The following GRIK3 variants were observed in gnomAD, a reference collection of about 807,000 sequenced individuals.
The protein encoded by GRIK3 is glutamate receptor ionotropic, kainate 3.
GRIK3 carries 29 observed loss-of-function variants against 102.5 expected under a neutral mutation model. That is an observed-to-expected ratio of 0.28 (90% CI 0.21 to 0.39). GRIK3 has a LOEUF of 0.39. GRIK3 is among the 10% of genes least tolerant of loss of function. GRIK3 has a pLI of 1.00. For missense variants in GRIK3, 908 were observed against 1,252.4 expected (o/e 0.73, Z 4.15); for synonymous variants, 511 against 504.9 (o/e 1.01, Z -0.16).
At chr1:36,804,685 C>G in intron 15 of GRIK3, 1 of 504,578 alleles carries the variant, frequency 2.0e-6, no homozygotes. Flanking sequence ...AACAAGGTAC[C>G]AGTTGCTGTG....
At chr1:36,844,162 T>C (rs1640493300) in intron 9 of GRIK3, among the ~76,000 whole-genome samples, 1 of 152,176 alleles carries the variant, frequency 6.6e-6, no homozygotes, top group Non-Finnish European at 1.5e-5. Context: ...TCCCTTGGGA[T>C]GCTTCAGGGA....
At chr1:37,014,668 A>G (rs1416762417) in intron 1 of GRIK3, among the ~76,000 whole-genome samples, 1 of 152,184 alleles carries the variant, frequency 6.6e-6, no homozygotes, top group African/African-American at 2.4e-5. Flanking sequence ...CTGGGAAGCT[A>G]GAGATAAGCA....
Position 36,805,289 on chromosome 1 carries a change from T to C in GRIK3, c.2315-52A>G, listed in dbSNP as rs550951660. The C allele has an allele frequency of 5.8e-6, 9 of 1,549,920 alleles. No homozygotes were observed. The South Asian group carries it at 8.7e-5, about 15-fold the overall frequency. On this transcript the variant is annotated intron_variant, in intron 14 of 15. Coordinates refer to ENST00000373091, the MANE Select transcript of GRIK3 (RefSeq NM_000831.4). ...CATCAGTGGCGTGTGGCCCATTCTG[T>C]GTTTGGCTCTGCCAACACCCTGGTC...
At chr1:36,927,872 G>A (rs1018581603) in intron 1 of GRIK3, among the ~76,000 whole-genome samples, 4 of 152,010 alleles carry the variant, frequency 2.6e-5, no homozygotes, top group Non-Finnish European at 2.9e-5. Flanking sequence ...CCGGAGCCCC[G>A]GCTTGCCCTG....
At chr1:36,834,973 G>T (rs568626199) in intron 10 of GRIK3, among the ~76,000 whole-genome samples, 50 of 152,344 alleles carry the variant, frequency 3.3e-4, no homozygotes, top group Non-Finnish European at 5.4e-4. Flanking sequence ...CCTCAGGGAA[G>T]TTTGAGGCCT....
chr1:36,906,068 T>G (rs971123275), intron 1 of GRIK3, among the ~76,000 whole-genome samples: 18 of 152,162 alleles, frequency 1.2e-4, no homozygotes, highest in African/African-American at 4.3e-4. Context: ...ACAGCTCCAT[T>G]AATACCCACT....
At chr1:36,831,107 G>A (rs115333505) in intron 10 of GRIK3, among the ~76,000 whole-genome samples, 1,573 of 152,318 alleles carry the variant, frequency 0.01, 29 homozygotes, top group African/African-American at 0.036. Flanking sequence ...TAGACCCTGT[G>A]CAGGATGCAT....
intron 15 of GRIK3, chr1:36,804,710 T>G (rs758262287): frequency 1.8e-6 from 1 of 543,240 alleles, no homozygotes. Flanking sequence ...TTGTGGATGG[T>G]GTTGGGGAAG....
chr1:36,866,753 T>C (rs1321895780), intron 5 of GRIK3, among the ~76,000 whole-genome samples: 3 of 151,950 alleles, frequency 2.0e-5, no homozygotes, highest in African/African-American at 7.3e-5. Context: ...TCAGGCCAAC[T>C]GGGATCAGAG....
intron 1 of GRIK3, among the ~76,000 whole-genome samples, chr1:36,950,319 G>T (rs914408100): frequency 6.6e-6 from 1 of 152,158 alleles, no homozygotes; most frequent in Non-Finnish European, 1.5e-5. Flanking sequence ...ATAACATAAA[G>T]AAGTTAACAA....
intron 1 of GRIK3, among the ~76,000 whole-genome samples, chr1:36,957,444 G>A (rs77174611): frequency 4.3e-4 from 12 of 28,082 alleles, no homozygotes; most frequent in Admixed American, 1.2e-3. Flanking sequence ...TGCTCTGTGA[G>A]TCTGTGCCCT....
At chr1:36,906,525 T>C (rs758454698) in intron 1 of GRIK3, among the ~76,000 whole-genome samples, 1 of 152,340 alleles carries the variant, frequency 6.6e-6, no homozygotes, top group Admixed American at 6.5e-5. Flanking sequence ...AAAGCTACCA[T>C]GCAATTTAGA....
chr1:36,857,058 C>T (rs760243916), intron 7 of GRIK3, among the ~76,000 whole-genome samples: 3 of 152,198 alleles, frequency 2.0e-5, no homozygotes, highest in Non-Finnish European at 2.9e-5. Context: ...TGATAAGGTG[C>T]TATTTTTATC....
chr1:36,916,472 G>A (rs1171552203), intron 1 of GRIK3, among the ~76,000 whole-genome samples: 1 of 152,184 alleles, frequency 6.6e-6, no homozygotes, highest in Non-Finnish European at 1.5e-5. Flanking sequence ...GGGAATATCA[G>A]AGGTCTTCAT....
At chr1:36,963,546 C>T (rs956764297) in intron 1 of GRIK3, among the ~76,000 whole-genome samples, 31 of 152,174 alleles carry the variant, frequency 2.0e-4, no homozygotes, top group Non-Finnish European at 4.0e-4. Context: ...TGCCATTACT[C>T]GCTCCCTTTG....
chr1:36,910,149 A>T (rs751802882), intron 1 of GRIK3, among the ~76,000 whole-genome samples: 16 of 152,226 alleles, frequency 1.1e-4, no homozygotes, highest in Non-Finnish European at 2.1e-4. Flanking sequence ...CCCAGAGTGC[A>T]GTGAGCCTGG....
intron 1 of GRIK3, among the ~76,000 whole-genome samples, chr1:36,994,797 T>A (rs1366314156): frequency 6.6e-6 from 1 of 152,042 alleles, no homozygotes; most frequent in Non-Finnish European, 1.5e-5. Context: ...GCAAAAAAAA[T>A]AACAATAATA....
chr1:36,880,981 A>G lies in GRIK3; in HGVS notation c.293-90T>C, dbSNP rs1640969486. 1 of 1,399,664 alleles carries G rather than the reference A, an allele frequency of 7.1e-7. No homozygotes were observed. The allele number at this position is 1,399,664 out of a possible 1,614,324, so 86.7% of individuals were successfully genotyped here. On this transcript the variant is annotated intron_variant, in intron 2 of 15. Coordinates refer to ENST00000373091, the MANE Select transcript of GRIK3 (RefSeq NM_000831.4). This position sits in a 1 kb window ranked among gnomAD's most constrained non-coding sequence, Gnocchi z 5.4. ...CTGATGATCCTGTAAACATGTGGGA[A>G]AAACAGCAACTGGAACCCTCGGTGG...
At chr1:36,988,954 C>G (rs1252984455) in intron 1 of GRIK3, among the ~76,000 whole-genome samples, 4 of 152,146 alleles carry the variant, frequency 2.6e-5, no homozygotes, top group Admixed American at 2.6e-4. Context: ...CAGGCCCGAG[C>G]TGGTGGAGAG....
Sources: gnomAD v4.1 joint callset for allele counts (sites outside exome capture counted in the v4.1 genomes callset) on GRCh38, gnomAD v4.1.1 for gene constraint, Gnocchi (gnomAD v3.1) non-coding constraint, MANE v1.5 for transcripts, NCBI Gene and HGNC (gene_info 2026-07-23, HGNC 2026-07-21) for gene names.